SNTG2: variants seen among roughly 807,000 people sequenced by gnomAD.
The protein encoded by SNTG2 is gamma-2-syntrophin.
A neutral mutation model predicts 70.9 loss-of-function variants in SNTG2; 74 were observed. The observed-to-expected ratio is 1.04, with a 90% CI of 0.86 to 1.27. The LOEUF (loss-of-function observed/expected upper bound fraction) is 1.27, where lower values mean the gene tolerates loss of function less well. Among genes scored for constraint, SNTG2 ranks in the 50% most tolerant of loss-of-function variants. The probability of loss-of-function intolerance (pLI) is 0.00; values close to 1 mark genes in which losing one functional copy is unlikely to be tolerated. For synonymous variants in SNTG2, 278 were observed against 273.8 expected (o/e 1.02, Z -0.15); for missense variants, 717 against 690.7 (o/e 1.04, Z -0.43).
chr2:1,114,781 G>T (rs373422374), intron 4 of SNTG2, among the ~76,000 whole-genome samples: 4 of 151,902 alleles, frequency 2.6e-5, no homozygotes, highest in Non-Finnish European at 5.9e-5. Flanking sequence ...GAGAAGGATC[G>T]TGTGTACTAA....
intron 7 of SNTG2, among the ~76,000 whole-genome samples, chr2:1,166,239 C>A (rs1670696885): frequency 6.6e-6 from 1 of 152,156 alleles, no homozygotes; most frequent in South Asian, 2.1e-4. Context: ...CATCACTGCC[C>A]TCTCTTTGTG....
intron 16 of SNTG2, among the ~76,000 whole-genome samples, chr2:1,359,787 A>C (rs2148317260): frequency 6.6e-6 from 1 of 152,262 alleles, no homozygotes; most frequent in South Asian, 2.1e-4. Context: ...CCACCAATAA[A>C]CCCACTGCCA....
intron 16 of SNTG2, among the ~76,000 whole-genome samples, chr2:1,321,495 G>C (rs917679572): frequency 1.3e-5 from 2 of 152,172 alleles, no homozygotes; most frequent in African/African-American, 4.8e-5. Flanking sequence ...CAGACCAGAA[G>C]GAAATTGGGG....
chr2:962,917 G>A (rs762902618), intron 1 of SNTG2, among the ~76,000 whole-genome samples: 1 of 152,154 alleles, frequency 6.6e-6, no homozygotes, highest in Non-Finnish European at 1.5e-5. Context: ...ACATTCACAG[G>A]TGCCTCTACT....
intron 2 of SNTG2, among the ~76,000 whole-genome samples, chr2:1,088,422 C>T (rs1025751594): frequency 1.3e-5 from 2 of 152,152 alleles, no homozygotes; most frequent in Non-Finnish European, 2.9e-5. Context: ...CGCCTGGCAC[C>T]CCTGGTCCTG....
At chr2:1,079,429 A>G (rs1219870081) in intron 1 of SNTG2, among the ~76,000 whole-genome samples, 1 of 152,100 alleles carries the variant, frequency 6.6e-6, no homozygotes, top group Admixed American at 6.5e-5. Context: ...TGGAACGCCT[A>G]ATTACCTCTA....
At chr2:1,292,051 T>C (rs1296894475) in intron 14 of SNTG2, among the ~76,000 whole-genome samples, 1 of 152,204 alleles carries the variant, frequency 6.6e-6, no homozygotes, top group East Asian at 1.9e-4. Context: ...TCTTTTTGCT[T>C]CCTTGGCTTA....
intron 1 of SNTG2, among the ~76,000 whole-genome samples, chr2:1,048,101 A>C (rs1298827329): frequency 6.6e-6 from 1 of 152,094 alleles, no homozygotes; most frequent in South Asian, 2.1e-4. Flanking sequence ...TATAGTCTTC[A>C]TCCCTATTTC....
chr2:1,342,162 C>T (rs976438086), intron 16 of SNTG2, among the ~76,000 whole-genome samples: 2 of 152,216 alleles, frequency 1.3e-5, no homozygotes, highest in African/African-American at 4.8e-5. Context: ...CTGTGAAGAC[C>T]TCAGGGCAGG....
Position 1,316,338 on chromosome 2 carries a change from T to C in SNTG2, c.1451T>C (p.Leu484Pro). ...GATGGGAAAACTCGAGTAAAGCTGC[T>C]GTTTCAGAATCTGGACACCAAACAG... ...SDDGKTRVKL[L>P]FQNLDTKQIE... Residue 484 changes from leucine (L) to proline (P), a missense_variant, in exon 16 of 17, where the codon CTG becomes CCG. Physicochemically the swap from Leu to Pro is moderately conservative, Grantham distance 98. Coordinates refer to ENST00000308624, the MANE Select transcript of SNTG2 (RefSeq NM_018968.4). 6.5e-7 allele frequency: 1 copy of C among 1,550,220 alleles called. No individual in the cohort carries two copies. The highest frequency in any genetic ancestry group is 8.7e-7 in the Non-Finnish European group (1 of 1,145,874).
intron 4 of SNTG2, among the ~76,000 whole-genome samples, chr2:1,136,151 A>G (rs1354945189): frequency 6.6e-6 from 1 of 152,122 alleles, no homozygotes; most frequent in African/African-American, 2.4e-5. Context: ...TTCTTCTGTT[A>G]GCCTTTGATT....
At chr2:1,271,461 A>G (rs976672740) in intron 14 of SNTG2, among the ~76,000 whole-genome samples, 4 of 152,176 alleles carry the variant, frequency 2.6e-5, no homozygotes, top group Admixed American at 1.3e-4. Flanking sequence ...TTAAAAATGT[A>G]TATCTTTCCT....
In SNTG2 at chr2:1,267,576, G is replaced by A; in HGVS notation, c.1284+5G>A. On this transcript the variant is annotated splice_donor_5th_base_variant and intron_variant, in intron 14 of 16. Transcript: ENST00000308624. ...ATGGAAGTTCAGAGAACCGGGGTAA[G>A]TGAACAACTCACACTCTTCTCACCT... The A allele has an allele frequency of 6.2e-7, 1 of 1,612,066 alleles. No homozygotes were observed. The highest frequency in any genetic ancestry group is 2.2e-5 in the East Asian group (1 of 44,878).
intron 8 of SNTG2, among the ~76,000 whole-genome samples, chr2:1,186,771 A>G (rs1370893503): frequency 6.6e-6 from 1 of 152,248 alleles, no homozygotes; most frequent in African/African-American, 2.4e-5. Flanking sequence ...ATTGAGGATT[A>G]CAATTCAACA....
intron 14 of SNTG2, among the ~76,000 whole-genome samples, chr2:1,283,981 C>T (rs1679664846): frequency 6.6e-6 from 1 of 152,130 alleles, no homozygotes; most frequent in Non-Finnish European, 1.5e-5. Context: ...GAGTACCTCA[C>T]GGTAGATATT....
intron 4 of SNTG2, among the ~76,000 whole-genome samples, chr2:1,120,490 C>T (rs948901048): frequency 6.6e-6 from 1 of 152,150 alleles, no homozygotes; most frequent in Non-Finnish European, 1.5e-5. Context: ...ATGATCCCAA[C>T]TATATACTGG....
intron 1 of SNTG2, among the ~76,000 whole-genome samples, chr2:1,037,848 T>G (rs930037950): frequency 6.6e-6 from 1 of 152,204 alleles, no homozygotes; most frequent in Non-Finnish European, 1.5e-5. Flanking sequence ...TCATGAGGGA[T>G]GGACTTTCTG....
chr2:1,098,495 A>G (rs758915168), intron 4 of SNTG2, 85 bp downstream of exon 4: 28 of 1,416,546 alleles, frequency 2.0e-5, no homozygotes, highest in Non-Finnish European at 2.8e-5. Flanking sequence ...ATCAGCAGAT[A>G]TGTGTTTTGC....
At chr2:1,132,848 C>T (rs953560147) in intron 4 of SNTG2, among the ~76,000 whole-genome samples, 1 of 152,248 alleles carries the variant, frequency 6.6e-6, no homozygotes, top group Non-Finnish European at 1.5e-5. Context: ...ATGCCCTGCA[C>T]CTGCCCCTTC....
Sources: allele counts gnomAD v4.1 joint callset (sites outside exome capture counted in the v4.1 genomes callset), GRCh38; gene constraint gnomAD v4.1.1; transcripts MANE v1.5; gene names NCBI Gene and HGNC (gene_info 2026-07-23, HGNC 2026-07-21).